Variants in LCMT1 observed in about 807,000 individuals in gnomAD.
LCMT1 encodes the protein leucine carboxyl methyltransferase 1.
Under a neutral mutation model 47.7 loss-of-function variants are expected in LCMT1, and 32 were observed. The observed-to-expected ratio is 0.67, with a 90% CI of 0.51 to 0.90. The LOEUF is 0.90. Ranked by LOEUF, LCMT1 falls within the 40% of genes least tolerant of loss-of-function variation. The pLI is 0.00. For missense variants in LCMT1, 375 were observed against 415.2 expected, an observed-to-expected ratio of 0.90 and a Z score of 0.84; for synonymous variants, 152 against 149.7, an observed-to-expected ratio of 1.02 and a Z score of -0.11.
intron 10 of LCMT1, among the ~76,000 whole-genome samples, 200 bp from the exon 11 acceptor site, chr16:25,177,801 C>A (rs770622403): frequency 6.6e-6 from 1 of 152,154 alleles, no homozygotes; most frequent in Non-Finnish European, 1.5e-5. Context: ...TTTTCTTAAT[C>A]ATTTTAAAAC....
At chr16:25,138,047 G>A (rs59833970) in intron 3 of LCMT1, among the ~76,000 whole-genome samples, 4,340 of 152,262 alleles carry the variant, frequency 0.029, 122 homozygotes, top group East Asian at 0.14. Context: ...GAAACAAGGT[G>A]TCACCCTAAC....
intron 2 of LCMT1, among the ~76,000 whole-genome samples, chr16:25,129,889 G>T (rs1960298861): frequency 6.6e-6 from 1 of 152,202 alleles, no homozygotes; most frequent in Non-Finnish European, 1.5e-5. Context: ...CAGCTTGAGG[G>T]TTTTAAGTCT....
intron 1 of LCMT1, among the ~76,000 whole-genome samples, chr16:25,115,599 C>T (rs1959760664): frequency 6.6e-6 from 1 of 152,174 alleles, no homozygotes; most frequent in South Asian, 2.1e-4. Flanking sequence ...CTTTTTCATT[C>T]TCAAGATAAT....
chr16:25,167,406 C>T (rs1315370083), intron 7 of LCMT1, among the ~76,000 whole-genome samples: 1 of 151,718 alleles, frequency 6.6e-6, no homozygotes, highest in African/African-American at 2.4e-5. Flanking sequence ...CAGTCTTGAG[C>T]TCCCAGGTTC....
chr16:25,156,680 G>T (rs779381590), intron 5 of LCMT1, among the ~76,000 whole-genome samples: 1 of 152,132 alleles, frequency 6.6e-6, no homozygotes, highest in African/African-American at 2.4e-5. Flanking sequence ...GAGAATTTTG[G>T]ACTCCATTCT....
chr16:25,148,303 A>G (rs1960936230), intron 4 of LCMT1: 1 of 152,268 alleles, frequency 6.6e-6, no homozygotes, highest in African/African-American at 2.4e-5. Context: ...AAAAAGGAAA[A>G]ACAGATCAGG....
intron 6 of LCMT1, 22 bp from the exon 7 acceptor site, chr16:25,164,576 C>G: frequency 6.2e-7 from 1 of 1,613,764 alleles, no homozygotes; most frequent in Non-Finnish European, 8.5e-7. Context: ...AATTTATGTG[C>G]CTTTTTTTCC....
intron 3 of LCMT1, among the ~76,000 whole-genome samples, chr16:25,133,991 C>T (rs1567313338): frequency 2.0e-5 from 3 of 150,038 alleles, no homozygotes; most frequent in Admixed American, 1.3e-4. Context: ...GAGATCATGC[C>T]ACCGCACTCC....
At chr16:25,125,428 G>A (rs1960136237) in intron 1 of LCMT1, among the ~76,000 whole-genome samples, 2 of 152,208 alleles carry the variant, frequency 1.3e-5, no homozygotes, top group African/African-American at 2.4e-5. Context: ...TGTGTTTCAG[G>A]CCTTTTATAC....
intron 7 of LCMT1, among the ~76,000 whole-genome samples, chr16:25,168,291 C>T (rs948241700): frequency 6.6e-6 from 1 of 152,172 alleles, no homozygotes; most frequent in South Asian, 2.1e-4. Flanking sequence ...TCAAGTGATC[C>T]ACCTGCCTCA....
chr16:25,175,945 T>G (rs995623407), intron 10 of LCMT1, among the ~76,000 whole-genome samples: 8 of 152,128 alleles, frequency 5.3e-5, no homozygotes, highest in Admixed American at 3.3e-4. Context: ...AGCTGGAAGG[T>G]AAAAGAGCTT....
chr16:25,166,494 G>A (rs915768377), intron 7 of LCMT1, among the ~76,000 whole-genome samples: 24 of 152,078 alleles, frequency 1.6e-4, no homozygotes, highest in African/African-American at 4.6e-4. Context: ...CCTCGACCGC[G>A]GGCTCAGATG....
intron 5 of LCMT1, among the ~76,000 whole-genome samples, chr16:25,155,490 A>G (rs901174160): frequency 1.3e-5 from 2 of 152,036 alleles, no homozygotes; most frequent in Non-Finnish European, 2.9e-5. Flanking sequence ...TAGGCTACAG[A>G]GAGCTGTGAT....
chr16:25,124,946 GAC>G, intron 1 of LCMT1, among the ~76,000 whole-genome samples: 1 of 152,208 alleles, frequency 6.6e-6, no homozygotes, highest in East Asian at 1.9e-4. Context: ...GTGATTTAAA[GAC>G]ACACTAAATT....
intron 1 of LCMT1, among the ~76,000 whole-genome samples, chr16:25,116,738 C>CA (rs1419857041): frequency 7.0e-6 from 1 of 143,542 alleles, no homozygotes; most frequent in Non-Finnish European, 1.5e-5. Flanking sequence ...AAAAAAAATA[C>CA]AAAAAATTAA....
chr16:25,168,345 G>T (rs933325506), intron 7 of LCMT1, among the ~76,000 whole-genome samples: 1 of 152,188 alleles, frequency 6.6e-6, no homozygotes, highest in Middle Eastern at 3.2e-3. Context: ...ACCATGCCTG[G>T]CCTAAAGTGA....
intron 5 of LCMT1, among the ~76,000 whole-genome samples, chr16:25,159,412 A>C (rs147781986): frequency 0.015 from 2,353 of 152,310 alleles, 53 homozygotes; most frequent in African/African-American, 0.054. Flanking sequence ...GACTACAGGC[A>C]TATGCCACCA....
At chr16:25,166,665 A>T (rs1465643861) in intron 7 of LCMT1, among the ~76,000 whole-genome samples, 1 of 152,174 alleles carries the variant, frequency 6.6e-6, no homozygotes, top group Non-Finnish European at 1.5e-5. Flanking sequence ...TTTATCACAC[A>T]TAAGAGCCAT....
intron 1 of LCMT1, among the ~76,000 whole-genome samples, chr16:25,123,311 A>T (rs78333742): frequency 0.018 from 2,381 of 134,112 alleles, 71 homozygotes; most frequent in African/African-American, 0.063. Context: ...TGCAACCTCC[A>T]CCTCTCGGGT....
Sources: allele counts gnomAD v4.1 joint callset (sites outside exome capture counted in the v4.1 genomes callset), GRCh38; gene constraint gnomAD v4.1.1; transcripts MANE v1.5; gene names NCBI Gene and HGNC (gene_info 2026-07-23, HGNC 2026-07-21).